The following TMX2 variants were observed in gnomAD, a reference collection of about 807,000 sequenced individuals.
TMX2 encodes thioredoxin related transmembrane protein 2, also known as thioredoxin-related transmembrane protein 2.
A neutral mutation model predicts 33.4 loss-of-function variants in TMX2; 20 were observed. The ratio of observed to expected loss-of-function variants is 0.60; its 90% CI spans 0.42 to 0.87. The LOEUF (loss-of-function observed/expected upper bound fraction) is 0.87. Ranked by LOEUF, TMX2 falls within the 40% of genes least tolerant of loss-of-function variation. The pLI, the probability that TMX2 is intolerant of heterozygous loss-of-function variation, is 0.00. For missense variants in TMX2, 340 were observed against 370.7 expected (o/e 0.92, Z 0.68); for synonymous variants, 166 against 140.7 (o/e 1.18, Z -1.27).
intron 1 of TMX2, among the ~76,000 whole-genome samples, chr11:57,730,427 A>T (rs12791082): frequency 4.5e-3 from 8 of 1,770 alleles, no homozygotes; most frequent in South Asian, 0.042. Context: ...AACTGTCTTT[A>T]AAAAAAAAAA....
rs1415770439 is a variant in TMX2 at position 57,737,653 on chromosome 11, A to C, written c.235A>C (p.Lys79Gln). Residue 79 changes from lysine (K) to glutamine (Q), a missense_variant, in exon 2 of 8, where the codon AAG becomes CAG. This residue lies in a region of TMX2 where 25 missense variants were observed against 46.5 expected (regional missense o/e 0.54). Transcript: ENST00000278422. ...LMFLSAIVMM[K>Q]NRRSITVEQH... Reference sequence around the variant, plus strand: ...GTTTCTCAGTGCCATTGTGATGATGAAGAACCGCAGATCCAGTAAGTTTAG... The same window carrying C: ...GTTTCTCAGTGCCATTGTGATGATGCAGAACCGCAGATCCAGTAAGTTTAG... The C allele has an allele frequency of 1.9e-6, 3 of 1,614,002 alleles. No individual in the cohort carries two copies. Among genetic ancestry groups the C allele is most frequent in the Non-Finnish European group, 2.5e-6 (3 of 1,179,954 alleles).
chr11:57,718,222 G>A, intron 1 of TMX2: 1 of 1,439,006 alleles, frequency 6.9e-7, no homozygotes, highest in Non-Finnish European at 9.8e-7. Context: ...TTTGTGTTGG[G>A]TCCAGCAATT....
chr11:57,738,803 G>A (rs1419685110), intron 5 of TMX2, 33 bp downstream of exon 5: 1 of 1,588,278 alleles, frequency 6.3e-7, no homozygotes. Context: ...TGGTGGAAAT[G>A]GAGATGCTGT....
At chr11:57,726,633 A>G (rs1414282544) in intron 1 of TMX2, among the ~76,000 whole-genome samples, 1 of 152,174 alleles carries the variant, frequency 6.6e-6, no homozygotes, top group Non-Finnish European at 1.5e-5. Flanking sequence ...GAATTATATG[A>G]CTTCTCCTGT....
chr11:57,731,443 T>C (rs796346097), intron 1 of TMX2, among the ~76,000 whole-genome samples: 2 of 144,650 alleles, frequency 1.4e-5, no homozygotes, highest in African/African-American at 5.4e-5. Context: ...CTTTTTTTTT[T>C]TTTTTTTTTT....
chr11:57,719,033 A>ATT lies in TMX2; in HGVS notation c.189+6247_189+6248dup, dbSNP rs1191976911. Among the ~76,000 whole-genome samples the ATT allele has an allele frequency of 2.6e-3, 185 of 70,554 alleles. 1 individual carries two copies. Among genetic ancestry groups the ATT allele is most frequent in the Non-Finnish European group, 3.5e-3 (126 of 35,528 alleles). 46.3% of individuals were successfully genotyped at this position (70,554 alleles called of 152,430 possible). The stretch of plus-strand genomic sequence containing the variant: ...TGATATTCAGGCCATATATATATAT[A>ATT]TTTTTTTTTTTTTTTTTTTTTTGAG... On this transcript the variant is annotated intron_variant, in intron 1 of 7. Transcript: ENST00000278422.
At chr11:57,719,020 CATAT>C (rs1157963160) in intron 1 of TMX2, among the ~76,000 whole-genome samples, 5,045 of 124,734 alleles carry the variant, frequency 0.04, 399 homozygotes, top group African/African-American at 0.11. Flanking sequence ...ATATTCAGGC[CATAT>C]ATATATATAT....
At chr11:57,717,111 C>T (rs1430856846) in intron 1 of TMX2, among the ~76,000 whole-genome samples, 11 of 147,396 alleles carry the variant, frequency 7.5e-5, no homozygotes, top group Admixed American at 4.0e-4. Flanking sequence ...GATGGGCGGC[C>T]GGGCAGAGAC....
chr11:57,727,388 G>A (rs938325279), intron 1 of TMX2, among the ~76,000 whole-genome samples: 13 of 151,882 alleles, frequency 8.6e-5, no homozygotes, highest in African/African-American at 2.7e-4. Flanking sequence ...GGGACCTGCT[G>A]GTGTTTGTTG....
At chr11:57,737,832 A>G in intron 2 of TMX2, 81 bp from the exon 3 acceptor site, 1 of 1,613,810 alleles carries the variant, frequency 6.2e-7, no homozygotes, top group African/African-American at 1.3e-5. Context: ...CTCCTATTTC[A>G]AAGTGCCCCA....
intron 1 of TMX2, among the ~76,000 whole-genome samples, chr11:57,736,774 G>A (rs1472036392): frequency 6.6e-6 from 1 of 151,814 alleles, no homozygotes; most frequent in East Asian, 1.9e-4. Context: ...TGTAGTCCCA[G>A]CTACTTGGGA....
In TMX2 at chr11:57,740,556, C is replaced by T; in HGVS notation, c.*311C>T. Reference sequence around the variant, plus strand: ...AGCTATTCAGACATCTCCATGGTTTCTCCATGAAACTCTGTGGTTTCATCA... The same window carrying T: ...AGCTATTCAGACATCTCCATGGTTTTTCCATGAAACTCTGTGGTTTCATCA... On this transcript the variant is annotated 3_prime_UTR_variant, in exon 8 of 8. Transcript: ENST00000278422. 4.3e-6 allele frequency: 1 copy of T among 232,704 alleles called. No individual in the cohort carries two copies. The highest frequency in any genetic ancestry group is 8.5e-6 in the Non-Finnish European group (1 of 118,198). 14.4% of individuals were successfully genotyped at this position (232,704 alleles called of 1,614,324 possible). A position where few individuals can be genotyped will look rare whatever the true frequency, so the allele number is the denominator to read the frequency against.
chr11:57,739,174 C>G lies in TMX2; in HGVS notation c.658C>G (p.Leu220Val), dbSNP rs370513853. The G allele has an allele frequency of 4.3e-6, 7 of 1,614,018 alleles. No individual in the cohort carries two copies. The Admixed American group carries it at 5.0e-5, about 12-fold the overall frequency. ...TSPLTKQLPT[L>V]ILFQGGKEAM... is the part of the protein sequence containing the mutation. ...ACCCCTCACCAAGCAACTCCCTACC[C>G]TGATCCTGTTCCAAGGTGGCAAGGA... is the stretch of plus-strand genomic sequence containing the variant. The change falls in exon 7 of 8, where the codon CTG becomes GTG. Residue 220 changes from leucine (L) to valine (V), a missense_variant. By Grantham distance (32) the Leu-to-Val change is conservative (BLOSUM62 1). Transcript: ENST00000278422.
rs948014471 is a variant in TMX2 at position 57,740,395 on chromosome 11, G to C, written c.*150G>C. Reference sequence around the variant, plus strand: ...GCTTCTGATTTTAAAGAGGCATCTAGGGAATTGTCAGGCACCCTACAGGAA... The same window carrying C: ...GCTTCTGATTTTAAAGAGGCATCTACGGAATTGTCAGGCACCCTACAGGAA... On this transcript the variant is annotated 3_prime_UTR_variant, in exon 8 of 8. Coordinates refer to ENST00000278422, the MANE Select transcript of TMX2 (RefSeq NM_015959.4). 7 of 1,021,440 alleles carry C rather than the reference G, an allele frequency of 6.9e-6. No individual in the cohort carries two copies. In the Admixed American group the frequency reaches 1.3e-4, roughly 19 times the overall value. 63.3% of individuals were successfully genotyped at this position (1,021,440 alleles called of 1,614,324 possible). A position where few individuals can be genotyped will look rare whatever the true frequency, so the allele number is the denominator to read the frequency against.
intron 1 of TMX2, chr11:57,717,945 A>G (rs1947290689): frequency 8.7e-6 from 6 of 690,508 alleles, no homozygotes; most frequent in Non-Finnish European, 1.0e-5. Flanking sequence ...CAAAGATTCT[A>G]GGATACTGCG....
At chr11:57,718,737 C>T (rs1203207152) in intron 1 of TMX2, among the ~76,000 whole-genome samples, 1 of 148,808 alleles carries the variant, frequency 6.7e-6, no homozygotes, top group Non-Finnish European at 1.5e-5. Context: ...CTCACTGCAA[C>T]CTCCGTCTCC....
intron 3 of TMX2, 24 bp downstream of exon 3, chr11:57,738,050 T>TC: frequency 3.1e-6 from 4 of 1,274,076 alleles, no homozygotes; most frequent in Non-Finnish European, 3.2e-6. Flanking sequence ...CTTTCTTTCT[T>TC]TTTTTTTTTT....
chr11:57,718,541 A>G, intron 1 of TMX2: 2 of 680,286 alleles, frequency 2.9e-6, no homozygotes, highest in South Asian at 1.6e-5. Context: ...GGCTGATAGT[A>G]CAGGGCTCCT....
At chr11:57,717,121 C>T (rs1463446452) in intron 1 of TMX2, among the ~76,000 whole-genome samples, 4 of 148,804 alleles carry the variant, frequency 2.7e-5, no homozygotes, top group South Asian at 2.1e-4. Context: ...CGGGCAGAGA[C>T]GCTCCTCACT....
Sources: allele counts gnomAD v4.1 joint callset (sites outside exome capture counted in the v4.1 genomes callset), GRCh38; gene constraint gnomAD v4.1.1; regional missense constraint gnomAD v4.1.1; transcripts MANE v1.5; gene names NCBI Gene and HGNC (gene_info 2026-07-23, HGNC 2026-07-21).